FHIT: variants seen among roughly 807,000 people sequenced by gnomAD.
FHIT encodes the protein bis(5'-adenosyl)-triphosphatase.
A neutral mutation model predicts 17.9 loss-of-function variants in FHIT; 19 were observed. The ratio of observed to expected loss-of-function variants is 1.06; its 90% CI spans 0.74 to 1.56. The LOEUF (loss-of-function observed/expected upper bound fraction) is 1.56. Ranked by LOEUF, FHIT falls within the 40% of genes most tolerant of loss-of-function variation. The pLI, the probability that FHIT is intolerant of heterozygous loss-of-function variation, is 0.00. For synonymous variants in FHIT, 81 were observed against 69.7 expected (o/e 1.16, Z -0.81); for missense variants, 248 against 189.2 (o/e 1.31, Z -1.82).
intron 3 of FHIT, among the ~76,000 whole-genome samples, chr3:61,024,726 T>A (rs1429328578): frequency 6.6e-6 from 1 of 152,184 alleles, no homozygotes; most frequent in South Asian, 2.1e-4. Flanking sequence ...AGACAACGCA[T>A]TTTATGATTT....
intron 2 of FHIT, among the ~76,000 whole-genome samples, chr3:61,051,154 T>C (rs1315855010): frequency 2.0e-5 from 3 of 152,218 alleles, no homozygotes; most frequent in Non-Finnish European, 1.5e-5. Flanking sequence ...GAAAGAGACC[T>C]GGAGATGAAG....
chr3:60,549,292 C>G (rs548916408), intron 4 of FHIT, among the ~76,000 whole-genome samples: 1 of 152,244 alleles, frequency 6.6e-6, no homozygotes, highest in Non-Finnish European at 1.5e-5. Context: ...AGAGCAGTGT[C>G]AAAAACTACC....
chr3:60,928,171 A>T (rs1240159616), intron 3 of FHIT, among the ~76,000 whole-genome samples: 2 of 152,116 alleles, frequency 1.3e-5, no homozygotes, highest in Non-Finnish European at 2.9e-5. Context: ...CAAACACTGC[A>T]GAAGGCCACA....
At chr3:59,972,355 C>A (rs1325238088) in intron 7 of FHIT, among the ~76,000 whole-genome samples, 2 of 152,058 alleles carry the variant, frequency 1.3e-5, no homozygotes, top group East Asian at 3.9e-4. Context: ...TCATGAAGAA[C>A]TGGGGCTACC....
chr3:60,565,291 C>A (rs1383962376), intron 4 of FHIT, among the ~76,000 whole-genome samples: 1 of 152,230 alleles, frequency 6.6e-6, no homozygotes, highest in African/African-American at 2.4e-5. Context: ...CCCATAATAT[C>A]TTTGAGGTAT....
chr3:59,775,518 T>C (rs1421532614), intron 8 of FHIT, among the ~76,000 whole-genome samples: 1 of 151,808 alleles, frequency 6.6e-6, no homozygotes, highest in Non-Finnish European at 1.5e-5. Flanking sequence ...CTTTTTGATT[T>C]TATAAATGAA....
chr3:60,198,543 A>C (rs1702751509), intron 5 of FHIT, among the ~76,000 whole-genome samples: 1 of 152,082 alleles, frequency 6.6e-6, no homozygotes, highest in Non-Finnish European at 1.5e-5. Flanking sequence ...GAGTTGTTTA[A>C]TTTTCTTTTA....
intron 3 of FHIT, among the ~76,000 whole-genome samples, chr3:60,923,389 A>G (rs1307955149): frequency 2.0e-5 from 3 of 152,200 alleles, no homozygotes; most frequent in Non-Finnish European, 4.4e-5. Context: ...TGAAGAAAAC[A>G]CTATTCATTC....
chr3:59,997,419 T>G (rs1381844791), intron 7 of FHIT, among the ~76,000 whole-genome samples: 1 of 151,946 alleles, frequency 6.6e-6, no homozygotes, highest in East Asian at 1.9e-4. Context: ...AGAAAGGAAA[T>G]GAAAAAGCAA....
intron 5 of FHIT, among the ~76,000 whole-genome samples, chr3:60,441,801 T>TATATATAAAA (rs2030897191): frequency 8.1e-6 from 1 of 123,290 alleles, no homozygotes; most frequent in Non-Finnish European, 1.7e-5. Context: ...TATATATATA[T>TATATATAAAA]ATATATATAT....
chr3:61,109,182 T>C (rs1224775097), intron 2 of FHIT, among the ~76,000 whole-genome samples: 2 of 152,098 alleles, frequency 1.3e-5, no homozygotes, highest in African/African-American at 4.8e-5. Context: ...GGTTTTATAA[T>C]CCCACCCACA....
At chr3:60,415,923 A>G (rs1045368872) in intron 5 of FHIT, among the ~76,000 whole-genome samples, 98 of 147,686 alleles carry the variant, frequency 6.6e-4, no homozygotes, top group South Asian at 1.5e-3. Context: ...TAACATATTA[A>G]TTCCATTAAT....
Position 61,203,916 on chromosome 3 carries a change from T to G in FHIT, c.-212-3251A>C, listed in dbSNP as rs1157699882. Among the ~76,000 whole-genome samples, 3 of 152,246 alleles carry G rather than the reference T, an allele frequency of 2.0e-5. No individual in the cohort carries two copies. In the East Asian group the frequency reaches 5.8e-4, roughly 29 times the overall value. ...CAATGTTTACATTCTACAAATGTATTGCCAGGATGGCAAAAAATACAGAAA... is the reference window on the plus strand; with the variant it reads ...CAATGTTTACATTCTACAAATGTATGGCCAGGATGGCAAAAAATACAGAAA... On this transcript the variant is annotated intron_variant, in intron 1 of 9. Transcript: ENST00000492590.
intron 5 of FHIT, among the ~76,000 whole-genome samples, chr3:60,058,072 G>A (rs558090733): frequency 2.6e-5 from 4 of 151,772 alleles, no homozygotes; most frequent in Non-Finnish European, 5.9e-5. Flanking sequence ...CAGGGGCTGG[G>A]GGAGGGAGAA....
At chr3:60,672,792 G>C (rs2040536587) in intron 4 of FHIT, among the ~76,000 whole-genome samples, 1 of 149,284 alleles carries the variant, frequency 6.7e-6, no homozygotes, top group Admixed American at 6.7e-5. Flanking sequence ...CTTCTTTCTT[G>C]CCTTCTTTCT....
intron 5 of FHIT, among the ~76,000 whole-genome samples, chr3:60,019,788 TACTTA>T (rs1700485137): frequency 6.6e-6 from 1 of 152,196 alleles, no homozygotes; most frequent in African/African-American, 2.4e-5. Flanking sequence ...AGAGAAAGGT[TACTTA>T]ACTTGTTCAA....
intron 1 of FHIT, among the ~76,000 whole-genome samples, chr3:61,211,290 C>A (rs1044770015): frequency 7.1e-6 from 1 of 141,664 alleles, no homozygotes; most frequent in African/African-American, 2.6e-5. Context: ...AAAATAGGGT[C>A]ACTCCCACCC....
intron 5 of FHIT, among the ~76,000 whole-genome samples, chr3:60,470,985 G>A (rs767985710): frequency 2.0e-5 from 3 of 152,206 alleles, no homozygotes; most frequent in Non-Finnish European, 4.4e-5. Context: ...TTCTCTTCCA[G>A]CTCAGGGTAT....
chr3:60,628,549 G>T (rs1576997341), intron 4 of FHIT, among the ~76,000 whole-genome samples: 1 of 152,268 alleles, frequency 6.6e-6, no homozygotes, highest in East Asian at 1.9e-4. Context: ...TCCACAGTCT[G>T]ACCCAATTAA....
Sources: gnomAD v4.1 joint callset for allele counts (sites outside exome capture counted in the v4.1 genomes callset) on GRCh38, gnomAD v4.1.1 for gene constraint, MANE v1.5 for transcripts, NCBI Gene and HGNC (gene_info 2026-07-23, HGNC 2026-07-21) for gene names.